The following CCDC91 variants were observed in gnomAD, a reference collection of about 807,000 sequenced individuals.
CCDC91 encodes coiled-coil domain containing 91, also known as coiled-coil domain-containing protein 91.
A neutral mutation model predicts 63.2 loss-of-function variants in CCDC91; 48 were observed. The ratio of observed to expected loss-of-function variants is 0.76; its 90% CI spans 0.60 to 0.97. The LOEUF is 0.97. CCDC91 is among the 50% of genes least tolerant of loss of function. The pLI is 0.00. For synonymous variants in CCDC91, 167 were observed against 165.8 expected (o/e 1.01, Z -0.06); for missense variants, 500 against 494.6 (o/e 1.01, Z -0.10).
intron 8 of CCDC91, among the ~76,000 whole-genome samples, chr12:28,401,087 G>A (rs942381690): frequency 6.6e-6 from 1 of 151,934 alleles, no homozygotes; most frequent in Admixed American, 6.6e-5. Context: ...CCACATTTTC[G>A]GGTATCTTTA....
chr12:28,313,450 T>C (rs1939524823), intron 6 of CCDC91, among the ~76,000 whole-genome samples: 1 of 152,044 alleles, frequency 6.6e-6, no homozygotes, highest in African/African-American at 2.4e-5. Context: ...GGCTCTGAGT[T>C]TTCAGTTTTG....
At chr12:28,280,513 G>A (rs957558386) in intron 3 of CCDC91, among the ~76,000 whole-genome samples, 2 of 152,040 alleles carry the variant, frequency 1.3e-5, no homozygotes, top group African/African-American at 4.8e-5. Flanking sequence ...TCTGTTGAAT[G>A]AGTAATATAT....
intron 1 of CCDC91, among the ~76,000 whole-genome samples, chr12:28,240,851 A>G (rs1945280649): frequency 6.6e-6 from 1 of 152,178 alleles, no homozygotes; most frequent in Non-Finnish European, 1.5e-5. Flanking sequence ...TTTTGTGTGG[A>G]CATAAGTTTT....
chr12:28,327,056 A>C (rs1941077819), intron 6 of CCDC91, among the ~76,000 whole-genome samples: 1 of 152,146 alleles, frequency 6.6e-6, no homozygotes, highest in Non-Finnish European at 1.5e-5. Flanking sequence ...AAATGGGCAG[A>C]GAACTTCTCA....
rs561895427 is a variant in CCDC91, at chr12:28,341,735, A to G, written c.577-20703A>G. Among the ~76,000 whole-genome samples, 4 of 152,250 alleles carry G rather than the reference A, an allele frequency of 2.6e-5. No homozygotes were observed. The East Asian group carries it at 7.7e-4, about 29-fold the overall frequency. On this transcript the variant is annotated intron_variant, in intron 6 of 12. Transcript: ENST00000536442. ...TATTTCTGAAATTTGAGGTACTTCC[A>G]CATGTTGAGAGATGTGGAGGAACTA... is the stretch of plus-strand genomic sequence containing the variant.
chr12:28,279,875 CTGTG>C (rs67192731), intron 3 of CCDC91, among the ~76,000 whole-genome samples: 1 of 151,926 alleles, frequency 6.6e-6, no homozygotes, highest in Non-Finnish European at 1.5e-5. Flanking sequence ...TGTAATATCT[CTGTG>C]TATATATACG....
At chr12:28,416,415 A>G (rs1335219749) in intron 8 of CCDC91, among the ~76,000 whole-genome samples, 1 of 152,146 alleles carries the variant, frequency 6.6e-6, no homozygotes, top group East Asian at 1.9e-4. Context: ...TTTTTAAATG[A>G]TAAGGAAGAC....
chr12:28,441,467 G>A (rs571133657), intron 8 of CCDC91, among the ~76,000 whole-genome samples: 1 of 152,074 alleles, frequency 6.6e-6, no homozygotes, highest in South Asian at 2.1e-4. Context: ...AGGAGAATGG[G>A]TAAACAAATT....
chr12:28,293,814 G>A (rs185485581), intron 3 of CCDC91, among the ~76,000 whole-genome samples: 3 of 151,772 alleles, frequency 2.0e-5, no homozygotes, highest in East Asian at 3.9e-4. Flanking sequence ...CTGCAGCTGC[G>A]AACTCCTGGG....
At chr12:28,535,666 T>G (rs1015011624) in intron 12 of CCDC91, among the ~76,000 whole-genome samples, 3 of 152,230 alleles carry the variant, frequency 2.0e-5, no homozygotes, top group African/African-American at 7.2e-5. Flanking sequence ...TGGTAAAGAT[T>G]GGTAACATAA....
intron 1 of CCDC91, among the ~76,000 whole-genome samples, chr12:28,226,421 G>A (rs890815927): frequency 4.6e-4 from 70 of 152,044 alleles, no homozygotes; most frequent in African/African-American, 1.7e-3. Context: ...TGTTAGATCT[G>A]TCTATATCTT....
At chr12:28,313,166 AAG>A (rs1338356920) in intron 6 of CCDC91, among the ~76,000 whole-genome samples, 2 of 151,928 alleles carry the variant, frequency 1.3e-5, no homozygotes, top group African/African-American at 2.4e-5. Context: ...ATGAAATGAA[AAG>A]AGTTATTTAT....
intron 11 of CCDC91, among the ~76,000 whole-genome samples, chr12:28,480,777 C>A (rs1354175332): frequency 6.6e-6 from 1 of 151,994 alleles, no homozygotes; most frequent in Admixed American, 6.6e-5. Context: ...AACCCACAGA[C>A]CAGAATTCAG....
In CCDC91 at chr12:28,474,049, C is replaced by T. The variant is rs528468125; in HGVS notation, c.1102-10003C>T. On this transcript the variant is annotated intron_variant, in intron 11 of 12. Transcript: ENST00000536442. The stretch of plus-strand genomic sequence containing the variant: ...AAGGATTTTAAATTTTGTAATTTTT[C>T]GATGATTGCTCTCCTGTTGAGAATA... Among the ~76,000 whole-genome samples the T allele has an allele frequency of 7.9e-5, 12 of 151,864 alleles. No individual in the cohort carries two copies. In the South Asian group the frequency reaches 2.5e-3, roughly 32 times the overall value.
At chr12:28,383,244 T>G (rs1945402018) in intron 7 of CCDC91, among the ~76,000 whole-genome samples, 1 of 152,150 alleles carries the variant, frequency 6.6e-6, no homozygotes, top group African/African-American at 2.4e-5. Flanking sequence ...CATGTTTAGA[T>G]CTACACCCAT....
intron 6 of CCDC91, among the ~76,000 whole-genome samples, chr12:28,325,272 A>G (rs1412970509): frequency 6.6e-6 from 1 of 152,098 alleles, no homozygotes; most frequent in African/African-American, 2.4e-5. Context: ...TATGTAAGAA[A>G]AAGTTGCTCT....
intron 6 of CCDC91, among the ~76,000 whole-genome samples, chr12:28,325,723 A>T (rs375409668): frequency 6.6e-6 from 1 of 152,146 alleles, no homozygotes; most frequent in East Asian, 1.9e-4. Context: ...GGAATCTATT[A>T]AACCAGTGTT....
chr12:28,322,496 T>C (rs1399904000), intron 6 of CCDC91, among the ~76,000 whole-genome samples: 2 of 151,852 alleles, frequency 1.3e-5, no homozygotes, highest in Non-Finnish European at 1.5e-5. Flanking sequence ...GTTTTTGAAG[T>C]TTCTCCCATT....
intron 8 of CCDC91, among the ~76,000 whole-genome samples, chr12:28,397,817 T>C (rs1291203433): frequency 6.6e-6 from 1 of 152,142 alleles, no homozygotes; most frequent in African/African-American, 2.4e-5. Flanking sequence ...ATAGAGACAC[T>C]ATCTGTATTA....
Sources: gnomAD v4.1 joint callset for allele counts (sites outside exome capture counted in the v4.1 genomes callset) on GRCh38, gnomAD v4.1.1 for gene constraint, MANE v1.5 for transcripts, NCBI Gene and HGNC (gene_info 2026-07-23, HGNC 2026-07-21) for gene names.